Variants in RNF217 observed in about 807,000 individuals in gnomAD.
RNF217 encodes the protein E3 ubiquitin-protein ligase RNF217.
Under a neutral mutation model 57.8 loss-of-function variants are expected in RNF217, and 31 were observed. The ratio of observed to expected loss-of-function variants is 0.54; its 90% CI spans 0.40 to 0.72. The LOEUF is 0.72. Ranked by LOEUF, RNF217 falls within the 30% of genes least tolerant of loss-of-function variation. The pLI, the probability that RNF217 is intolerant of heterozygous loss-of-function variation, is 0.00. For synonymous variants in RNF217, 313 were observed against 294.0 expected (o/e 1.06, Z -0.66); for missense variants, 696 against 708.3 (o/e 0.98, Z 0.20).
intron 2 of RNF217, among the ~76,000 whole-genome samples, chr6:125,053,636 TC>T (rs35374262): frequency 0.03 from 4,630 of 152,228 alleles, 231 homozygotes; most frequent in African/African-American, 0.1. Context: ...GTGGGTTGTT[TC>T]CTTACTCGAC....
chr6:125,058,025 A>T lies in RNF217; in HGVS notation c.1200A>T (p.Lys400Asn), dbSNP rs1562489229. The change falls in exon 3 of 6, where the codon AAA (lysine) becomes AAT (asparagine). Residue 400 changes from lysine (K) to asparagine (N), a missense_variant. Coordinates refer to ENST00000521654, the MANE Select transcript of RNF217 (RefSeq NM_001286398.3). ...WHEGVNCKEY[K>N]KGDKLLRHWA... is the part of the protein sequence containing the mutation. The stretch of plus-strand genomic sequence containing the variant: ...AAGGTGTTAACTGCAAGGAGTACAA[A>T]AAAGGAGACAAATTGTTGCGTCACT... 1 of 1,613,620 alleles carries T rather than the reference A, an allele frequency of 6.2e-7. No homozygotes were observed. The highest frequency in any genetic ancestry group is 1.3e-5 in the African/African-American group (1 of 74,998).
rs370918177 is a variant in RNF217, at chr6:125,029,663, T to TA, written c.883-15543dup. Among the ~76,000 whole-genome samples the TA allele has an allele frequency of 6.3e-3, 956 of 152,340 alleles. 11 individuals carry two copies. Among genetic ancestry groups the TA allele is most frequent in the African/African-American group, 0.022 (897 of 41,584 alleles). On this transcript the variant is annotated intron_variant, in intron 1 of 5. Transcript: ENST00000521654. ...GGGGGAGAAGTGTAAATGTTGTTGG[T>TA]AAAAATGTAGAACGTGCATTTTTTA...
At chr6:124,968,725 C>T (rs2114983480) in intron 1 of RNF217, among the ~76,000 whole-genome samples, 1 of 152,238 alleles carries the variant, frequency 6.6e-6, no homozygotes, top group Admixed American at 6.5e-5. Flanking sequence ...TGTGATTTTT[C>T]CCTCCTAGAG....
intron 3 of RNF217, among the ~76,000 whole-genome samples, chr6:125,071,302 A>G (rs1788126505): frequency 6.6e-6 from 1 of 152,196 alleles, no homozygotes; most frequent in Non-Finnish European, 1.5e-5. Flanking sequence ...TAAGCTGGGC[A>G]GTGGCAGCGA....
At chr6:125,007,867 C>T (rs1442668401) in intron 1 of RNF217, among the ~76,000 whole-genome samples, 1 of 152,132 alleles carries the variant, frequency 6.6e-6, no homozygotes, top group African/African-American at 2.4e-5. Context: ...TTTTTTAATA[C>T]ATATATACCT....
intron 2 of RNF217, among the ~76,000 whole-genome samples, chr6:125,049,463 C>G (rs1044268267): frequency 2.6e-5 from 4 of 151,946 alleles, no homozygotes; most frequent in Admixed American, 2.6e-4. Context: ...ACACATTAAG[C>G]CTTGAGGTGT....
intron 3 of RNF217, among the ~76,000 whole-genome samples, chr6:125,059,963 T>C (rs1034520487): frequency 1.3e-5 from 2 of 152,206 alleles, no homozygotes; most frequent in African/African-American, 4.8e-5. Flanking sequence ...AGTTTCTGTC[T>C]GTTTAAGTCA....
At chr6:125,029,153 GGA>G (rs1288076880) in intron 1 of RNF217, among the ~76,000 whole-genome samples, 3 of 152,056 alleles carry the variant, frequency 2.0e-5, no homozygotes, top group African/African-American at 7.2e-5. Context: ...GTAAGAGTTT[GGA>G]GTATATTCTT....
chr6:125,039,886 T>G (rs1194821047), intron 1 of RNF217, among the ~76,000 whole-genome samples: 2 of 152,138 alleles, frequency 1.3e-5, no homozygotes, highest in South Asian at 2.1e-4. Flanking sequence ...AATGAAGAAG[T>G]TCTTTGAAAC....
rs758830005 is a variant in RNF217 at position 125,058,058 on chromosome 6, C to T, written c.1233C>T (p.Ser411=). The change falls in exon 3 of 6, where the codon AGC becomes AGT. Residue 411 remains serine, a synonymous_variant. Transcript: ENST00000521654. ...KGDKLLRHWA[S]EIEHGQRNAQ... ...ACAAATTGTTGCGTCACTGGGCCAG[C>T]GAAATTGAGCATGGGCAGAGGAATG... The T allele has an allele frequency of 3.7e-6, 6 of 1,612,964 alleles. No individual in the cohort carries two copies. Among genetic ancestry groups the T allele is most frequent in the Admixed American group, 1.7e-5 (1 of 59,900 alleles).
At chr6:125,071,886 AT>A (rs2114629253) in intron 3 of RNF217, among the ~76,000 whole-genome samples, 1 of 152,314 alleles carries the variant, frequency 6.6e-6, no homozygotes, top group Non-Finnish European at 1.5e-5. Flanking sequence ...TAAAAAGAGA[AT>A]TTTGATACTA....
chr6:125,038,982 C>A (rs1158050589), intron 1 of RNF217, among the ~76,000 whole-genome samples: 2 of 152,208 alleles, frequency 1.3e-5, no homozygotes, highest in South Asian at 2.1e-4. Flanking sequence ...AATGCTCTCC[C>A]TCCCTCCACC....
intron 1 of RNF217, among the ~76,000 whole-genome samples, chr6:124,997,381 C>T (rs1784794442): frequency 6.6e-6 from 1 of 152,214 alleles, no homozygotes; most frequent in Admixed American, 6.5e-5. Context: ...TCCTGGAAAT[C>T]ATTCCTACCC....
chr6:125,014,029 G>A (rs189680951), intron 1 of RNF217, among the ~76,000 whole-genome samples: 2 of 152,250 alleles, frequency 1.3e-5, no homozygotes, highest in Admixed American at 6.5e-5. Context: ...TTGTCTGCCT[G>A]TTGTTCTCTG....
At chr6:125,076,151 T>C (rs994007792) in intron 3 of RNF217, among the ~76,000 whole-genome samples, 23 of 152,168 alleles carry the variant, frequency 1.5e-4, no homozygotes, top group African/African-American at 5.6e-4. Flanking sequence ...AAAAAGGTAT[T>C]GCAAATACAT....
rs1784503578 is a variant in RNF217, at chr6:124,990,055, C to G, written c.882+26629C>G. Among the ~76,000 whole-genome samples the G allele has an allele frequency of 2.0e-5, 3 of 152,246 alleles. No homozygotes were observed. In the South Asian group the frequency reaches 6.2e-4, roughly 32 times the overall value. On this transcript the variant is annotated intron_variant, in intron 1 of 5. Transcript: ENST00000521654. ...CATTTCAATCAAGCTTTGCCTCTACCTCTCCACTGTAACTGCTTTTGTAAG... is the reference window on the plus strand; with the variant it reads ...CATTTCAATCAAGCTTTGCCTCTACGTCTCCACTGTAACTGCTTTTGTAAG...
At chr6:124,992,895 G>A (rs1366137438) in intron 1 of RNF217, among the ~76,000 whole-genome samples, 3 of 151,840 alleles carry the variant, frequency 2.0e-5, no homozygotes, top group African/African-American at 7.3e-5. Context: ...TACCTAAAAC[G>A]ATTTATGTCT....
chr6:125,079,329 T>C (rs500439), intron 4 of RNF217, among the ~76,000 whole-genome samples: 4,101 of 152,146 alleles, frequency 0.027, 164 homozygotes, highest in African/African-American at 0.093. Context: ...TTCTAAGTTT[T>C]AAATCAAGTC....
chr6:125,027,958 A>AT lies in RNF217; in HGVS notation c.883-17247dup, dbSNP rs369675190. ...TCACCATTTATTCAAATCATTGCCC[A>AT]TTTTTTAATCAGATTATTAGATTTT... On this transcript the variant is annotated intron_variant, in intron 1 of 5. Transcript: ENST00000521654. 5.0e-3 allele frequency among the ~76,000 whole-genome samples: 759 copies of AT among 152,034 alleles called. 3 individuals carry two copies. The highest frequency in any genetic ancestry group is 0.017 in the African/African-American group (700 of 41,472).
Sources: gnomAD v4.1 joint callset for allele counts (sites outside exome capture counted in the v4.1 genomes callset) on GRCh38, gnomAD v4.1.1 for gene constraint, MANE v1.5 for transcripts, NCBI Gene and HGNC (gene_info 2026-07-23, HGNC 2026-07-21) for gene names.